TBC1D25: variants seen among roughly 807,000 people sequenced by gnomAD.
TBC1D25 encodes the protein TBC1 domain family member 25, also known as 5SN3 snoRNA.
TBC1D25 carries 13 observed loss-of-function variants against 38.8 expected under a neutral mutation model. That is an observed-to-expected ratio of 0.34 (90% CI 0.22 to 0.53). The LOEUF (loss-of-function observed/expected upper bound fraction) is 0.53, where lower values mean the gene tolerates loss of function less well. TBC1D25 is among the 20% of genes least tolerant of loss of function. The pLI, the probability that TBC1D25 is intolerant of heterozygous loss-of-function variation, is 0.94. For missense variants in TBC1D25, 372 were observed against 600.0 expected (o/e 0.62, Z 3.97); for synonymous variants, 225 against 255.6 (o/e 0.88, Z 1.14).
intron 3 of TBC1D25, 49 bp from the exon 4 acceptor site, chrX:48,558,848 G>A (rs376590549): frequency 8.3e-7 from 1 of 1,204,527 alleles, no homozygotes; most frequent in South Asian, 1.8e-5. Flanking sequence ...CGGCCCTGAG[G>A]TCTGGGTTAT....
Position 48,559,364 on chromosome X carries a change from T to C in TBC1D25, c.705+18T>C. 8.4e-7 allele frequency: 1 copy of C among 1,197,274 alleles called. No individual in the cohort carries two copies. Among genetic ancestry groups the C allele is most frequent in the East Asian group, 3.0e-5 (1 of 33,462 alleles). On this transcript the variant is annotated intron_variant, in intron 5 of 5. Transcript: ENST00000376771. Reference sequence around the variant, plus strand: ...TGCGAAAGGTGAGCATCCTCAGTCATCTGTTGGGTCCATCACTGCTGCACT... The same window carrying C: ...TGCGAAAGGTGAGCATCCTCAGTCACCTGTTGGGTCCATCACTGCTGCACT...
intron 3 of TBC1D25, among the ~76,000 whole-genome samples, chrX:48,554,650 C>G (rs1384540447): frequency 9.3e-6 from 1 of 107,213 alleles, no homozygotes; most frequent in Non-Finnish European, 1.9e-5. Flanking sequence ...GTGAGCCATT[C>G]CTTCATCTCA....
intron 2 of TBC1D25, among the ~76,000 whole-genome samples, chrX:48,543,667 G>A (rs782729541): frequency 1.3e-4 from 14 of 106,115 alleles, no homozygotes; most frequent in African/African-American, 1.7e-4. Flanking sequence ...GGTGGATCAC[G>A]AGGTCAGGAG....
In TBC1D25 at chrX:48,541,363, C is replaced by T. The variant is rs1309738156; in HGVS notation, c.154C>T (p.Arg52Cys). Residue 52 changes from arginine (R) to cysteine (C), a missense_variant, in exon 2 of 6, where the codon CGC becomes TGC. By Grantham distance (180) the Arg-to-Cys change is radical (BLOSUM62 -3). Transcript: ENST00000376771. The part of the protein sequence containing the change: ...KCESFLPPEF[R>C]SFAVDPQITS... The stretch of plus-strand genomic sequence containing the variant: ...TGAGAGCTTCTTGCCGCCAGAGTTC[C>T]GCTCTTTTGCTGTAGATCCCCAGAT... The T allele has an allele frequency of 3.3e-6, 4 of 1,210,059 alleles. No homozygotes were observed. The highest frequency in any genetic ancestry group is 3.0e-5 in the East Asian group (1 of 33,780).
chrX:48,545,354 G>A (rs181060373), intron 3 of TBC1D25, among the ~76,000 whole-genome samples: 1 of 112,231 alleles, frequency 8.9e-6, no homozygotes, highest in Admixed American at 9.5e-5. Context: ...ACATATAACC[G>A]AGTAATGTAT....
intron 4 of TBC1D25, 40 bp from the exon 5 acceptor site, chrX:48,559,118 A>C: frequency 8.3e-7 from 1 of 1,203,752 alleles, no homozygotes; most frequent in Non-Finnish European, 1.1e-6. Flanking sequence ...ATCTGCCCCT[A>C]GTCCACACAG....
intron 3 of TBC1D25, among the ~76,000 whole-genome samples, chrX:48,557,966 C>T (rs1340275720): frequency 1.8e-5 from 2 of 109,755 alleles, no homozygotes; most frequent in African/African-American, 6.6e-5. Flanking sequence ...CAAAAATTAG[C>T]TGGGCATGGT....
intron 2 of TBC1D25, among the ~76,000 whole-genome samples, chrX:48,542,409 C>G (rs1387449566): frequency 9.1e-6 from 1 of 109,763 alleles, no homozygotes; most frequent in Non-Finnish European, 1.9e-5. Flanking sequence ...CTCAAGTTAC[C>G]TGTCCACCTC....
At position 48,561,240 on chromosome X, in the gene TBC1D25, T is replaced by A. The variant is rs1556986390; in HGVS notation, c.*265T>A. On this transcript the variant is annotated 3_prime_UTR_variant, in exon 6 of 6. Coordinates refer to ENST00000376771, the MANE Select transcript of TBC1D25 (RefSeq NM_002536.4). ...GGTCACTGTGGTTTGTGTGTTTCTCTGCCTCCTCCCTGGGTTTTGCTGTAG... is the reference window on the plus strand; with the variant it reads ...GGTCACTGTGGTTTGTGTGTTTCTCAGCCTCCTCCCTGGGTTTTGCTGTAG... 3.2e-6 allele frequency: 1 copy of A among 310,678 alleles called. No individual in the cohort carries two copies. The highest frequency in any genetic ancestry group is 5.5e-6 in the Non-Finnish European group (1 of 180,354). 25.6% of individuals were successfully genotyped at this position (310,678 alleles called of 1,213,427 possible). A position where few individuals can be genotyped will look rare whatever the true frequency, so the allele number is the denominator to read the frequency against.
chrX:48,547,564 G>A (rs1386479687), intron 3 of TBC1D25, among the ~76,000 whole-genome samples: 1 of 112,196 alleles, frequency 8.9e-6, no homozygotes, highest in African/African-American at 3.2e-5. Flanking sequence ...AAGTGCATGA[G>A]AACTGGGACG....
chrX:48,545,405 C>T (rs1489860025), intron 3 of TBC1D25, among the ~76,000 whole-genome samples: 1 of 112,029 alleles, frequency 8.9e-6, no homozygotes, highest in South Asian at 3.6e-4. Flanking sequence ...TATAGTATAA[C>T]GGTATAGCTT....
At chrX:48,542,278 C>T (rs2061846256) in intron 2 of TBC1D25, among the ~76,000 whole-genome samples, 2 of 106,971 alleles carry the variant, frequency 1.9e-5, no homozygotes, top group Middle Eastern at 9.4e-3. Flanking sequence ...AAGTGATTCT[C>T]CTGCCTCAGC....
At chrX:48,552,344 GC>G (rs1245588738) in intron 3 of TBC1D25, among the ~76,000 whole-genome samples, 1 of 82,790 alleles carries the variant, frequency 1.2e-5, no homozygotes, top group East Asian at 3.5e-4. Context: ...ACACCATCAT[GC>G]CCGGCTAATT....
intron 3 of TBC1D25, among the ~76,000 whole-genome samples, chrX:48,555,490 C>T (rs1175865924): frequency 1.8e-5 from 2 of 112,481 alleles, no homozygotes; most frequent in African/African-American, 6.5e-5. Context: ...CAGTGGCTCA[C>T]GCCTGTAATC....
At chrX:48,549,803 G>A (rs973538421) in intron 3 of TBC1D25, among the ~76,000 whole-genome samples, 3 of 111,053 alleles carry the variant, frequency 2.7e-5, no homozygotes, top group Non-Finnish European at 5.7e-5. Flanking sequence ...GCCTGGCTGA[G>A]TTTCTCCTAT....
intron 3 of TBC1D25, among the ~76,000 whole-genome samples, chrX:48,553,173 G>A (rs1404965785): frequency 9.1e-6 from 1 of 109,364 alleles, no homozygotes; most frequent in Admixed American, 1.0e-4. Context: ...GAATCCTAAT[G>A]TAACATATAA....
At position 48,560,033 on chromosome X, in the gene TBC1D25, C is replaced by T. The variant is rs1556985648; in HGVS notation, c.1125C>T (p.Thr375=). ...NFHPDGRAMA[T]KFAHLKLLLR... is the part of the protein sequence containing the mutation. ...ACCCTGACGGCCGCGCCATGGCCAC[C>T]AAGTTTGCACACTTGAAGCTGTTGC... The change falls in exon 6 of 6, where the codon ACC becomes ACT. Residue 375 remains threonine (T), a synonymous_variant. Transcript: ENST00000376771. The T allele has an allele frequency of 8.3e-7, 1 of 1,210,673 alleles. No homozygotes were observed. The highest frequency in any genetic ancestry group is 2.2e-5 in the Admixed American group (1 of 45,896).
At chrX:48,547,946 A>G (rs781799721) in intron 3 of TBC1D25, among the ~76,000 whole-genome samples, 1 of 108,238 alleles carries the variant, frequency 9.2e-6, no homozygotes, top group East Asian at 2.9e-4. Context: ...TCAAAAAAAA[A>G]AAAAAAAAAG....
Position 48,544,907 on chromosome X carries a change from G to T in TBC1D25, c.272G>T (p.Arg91Leu). The change falls in exon 3 of 6, where the codon CGG becomes CTG. Residue 91 changes from arginine (R) to leucine (L), a missense_variant. Transcript: ENST00000376771. The part of the protein sequence containing the change: ...NFGISYLGRD[R>L]LGQEVYLSLL... Reference sequence around the variant, plus strand: ...GGCATCAGCTACCTGGGCCGGGACCGGCTAGGACAGGAAGTTTACCTCTCA... The same window carrying T: ...GGCATCAGCTACCTGGGCCGGGACCTGCTAGGACAGGAAGTTTACCTCTCA... 1 of 1,211,768 alleles carries T rather than the reference G, an allele frequency of 8.3e-7. No individual in the cohort carries two copies. Among genetic ancestry groups the T allele is most frequent in the South Asian group, 1.8e-5 (1 of 56,977 alleles).
Sources: allele counts gnomAD v4.1 joint callset (sites outside exome capture counted in the v4.1 genomes callset), GRCh38; gene constraint gnomAD v4.1.1; transcripts MANE v1.5; gene names NCBI Gene and HGNC (gene_info 2026-07-23, HGNC 2026-07-21).